APBA1: variants seen among roughly 807,000 people sequenced by gnomAD.
The protein encoded by APBA1 is amyloid-beta A4 precursor protein-binding family A member 1.
APBA1 carries 55 observed loss-of-function variants against 86.6 expected under a neutral mutation model. The observed-to-expected ratio is 0.64, with a 90% CI of 0.51 to 0.80. APBA1 has a LOEUF of 0.80. APBA1 is among the 30% of genes least tolerant of loss of function. The probability of loss-of-function intolerance (pLI) is 0.00; values close to 1 mark genes in which losing one functional copy is unlikely to be tolerated. For missense variants in APBA1, 1,090 were observed against 1,183.0 expected, an observed-to-expected ratio of 0.92 and a Z score of 1.15; for synonymous variants, 511 against 493.9, an observed-to-expected ratio of 1.03 and a Z score of -0.46.
intron 1 of APBA1, among the ~76,000 whole-genome samples, chr9:69,589,697 T>C (rs937065844): frequency 2.0e-5 from 3 of 152,164 alleles, no homozygotes; most frequent in Admixed American, 6.5e-5. Flanking sequence ...TTCAGTTAGC[T>C]TTCAAAACAA....
intron 6 of APBA1, among the ~76,000 whole-genome samples, chr9:69,457,850 T>A (rs2781534): frequency 6.6e-6 from 1 of 152,144 alleles, no homozygotes; most frequent in African/African-American, 2.4e-5. Context: ...TCAAACAGAC[T>A]CAAGTCCCTG....
intron 2 of APBA1, among the ~76,000 whole-genome samples, chr9:69,495,328 A>C (rs1034185531): frequency 2.6e-5 from 4 of 152,188 alleles, no homozygotes; most frequent in African/African-American, 9.7e-5. Context: ...GAAGCCTAGG[A>C]TCCACCTACC....
chr9:69,650,567 GCTT>G (rs2134015583), intron 1 of APBA1, among the ~76,000 whole-genome samples: 1 of 152,288 alleles, frequency 6.6e-6, no homozygotes, highest in South Asian at 2.1e-4. Context: ...ATGGTTGTTG[GCTT>G]CTTAACAGAG....
At chr9:69,436,890 CGG>C (rs1834733559) in intron 11 of APBA1, among the ~76,000 whole-genome samples, 1 of 151,730 alleles carries the variant, frequency 6.6e-6, no homozygotes, top group African/African-American at 2.4e-5. Flanking sequence ...TTTGTCCATT[CGG>C]TATGATATTG....
chr9:69,449,546 G>T, intron 10 of APBA1, 38 bp downstream of exon 10: 1 of 1,572,218 alleles, frequency 6.4e-7, no homozygotes, highest in Non-Finnish European at 8.7e-7. Context: ...ATCACTTGAG[G>T]TTTACCACAT....
intron 1 of APBA1, among the ~76,000 whole-genome samples, chr9:69,600,786 G>T (rs1009190800): frequency 3.6e-4 from 53 of 147,016 alleles, no homozygotes; most frequent in African/African-American, 1.3e-3. Context: ...CAACAGAGAA[G>T]ACTTCGTCTC....
intron 5 of APBA1, chr9:69,464,407 A>G (rs1588299787): frequency 6.6e-6 from 1 of 152,266 alleles, no homozygotes; most frequent in Non-Finnish European, 1.5e-5. Context: ...TTACCACTCT[A>G]TAATGAATTC....
At chr9:69,443,125 A>G (rs1834852666) in intron 10 of APBA1, among the ~76,000 whole-genome samples, 1 of 152,068 alleles carries the variant, frequency 6.6e-6, no homozygotes. Flanking sequence ...TGGCTCTTAA[A>G]CCCCACACAG....
intron 1 of APBA1, among the ~76,000 whole-genome samples, chr9:69,642,786 T>G (rs1823314324): frequency 6.6e-6 from 1 of 151,774 alleles, no homozygotes; most frequent in African/African-American, 2.4e-5. Flanking sequence ...ATACAATCAG[T>G]TGAAGGCATT....
At chr9:69,527,324 G>T (rs75687016) in intron 1 of APBA1, among the ~76,000 whole-genome samples, 14,310 of 152,118 alleles carry the variant, frequency 0.094, 731 homozygotes, top group Non-Finnish European at 0.12. Context: ...AGGCTATGTA[G>T]GGTTGGAAAA....
chr9:69,489,978 T>C (rs975113297), intron 2 of APBA1, among the ~76,000 whole-genome samples: 1 of 152,122 alleles, frequency 6.6e-6, no homozygotes, highest in African/African-American at 2.4e-5. Flanking sequence ...TTACTGGGTA[T>C]ATACCCAAAG....
At chr9:69,499,537 C>G (rs1238409328) in intron 2 of APBA1, among the ~76,000 whole-genome samples, 1 of 152,012 alleles carries the variant, frequency 6.6e-6, no homozygotes, top group Non-Finnish European at 1.5e-5. Context: ...GGCAGCAAGA[C>G]AGTTCTTTTC....
intron 1 of APBA1, among the ~76,000 whole-genome samples, chr9:69,577,968 C>CCAAGG (rs1821835701): frequency 6.6e-6 from 1 of 152,084 alleles, no homozygotes; most frequent in Admixed American, 6.6e-5. Flanking sequence ...GCCTATCATC[C>CCAAGG]CAAGGGACCC....
At chr9:69,575,422 A>T (rs1821773935) in intron 1 of APBA1, among the ~76,000 whole-genome samples, 1 of 152,158 alleles carries the variant, frequency 6.6e-6, no homozygotes, top group Admixed American at 6.5e-5. Flanking sequence ...CAACAGAACA[A>T]AGCTGGAGGC....
intron 1 of APBA1, among the ~76,000 whole-genome samples, chr9:69,574,057 G>A (rs961643873): frequency 6.6e-6 from 1 of 152,172 alleles, no homozygotes; most frequent in African/African-American, 2.4e-5. Context: ...GTTTGTATAT[G>A]TGTGTGTACT....
chr9:69,637,947 T>C (rs1241155532), intron 1 of APBA1, among the ~76,000 whole-genome samples: 3 of 152,216 alleles, frequency 2.0e-5, no homozygotes, highest in African/African-American at 7.2e-5. Flanking sequence ...ATGAATTATG[T>C]GCTACAACAG....
chr9:69,554,974 TAA>T (rs1378638062), intron 1 of APBA1, among the ~76,000 whole-genome samples: 1 of 152,172 alleles, frequency 6.6e-6, no homozygotes, highest in Non-Finnish European at 1.5e-5. Context: ...CAGACTAAGC[TAA>T]GAGAGCTGGA....
At chr9:69,504,744 CGT>C (rs1470321107) in intron 2 of APBA1, among the ~76,000 whole-genome samples, 6 of 151,948 alleles carry the variant, frequency 3.9e-5, no homozygotes, top group African/African-American at 4.8e-5. Context: ...CTTAGTGGGC[CGT>C]GTGTTCCCCA....
In APBA1 at chr9:69,490,824, C is replaced by T. The variant is rs142273435; in HGVS notation, c.1201-14681G>A. Among the ~76,000 whole-genome samples the T allele has an allele frequency of 2.3e-3, 354 of 152,242 alleles. 3 individuals carry two copies. The highest frequency in any genetic ancestry group is 7.6e-3 in the African/African-American group (316 of 41,534). On this transcript the variant is annotated intron_variant, in intron 2 of 12. Transcript: ENST00000265381. ...TGAACAGACACATCTCAAAAGAAGA[C>T]ATTTATGTAGCCAAAAGACACATGA... is the stretch of plus-strand genomic sequence containing the variant.
Sources: allele counts gnomAD v4.1 joint callset (sites outside exome capture counted in the v4.1 genomes callset), GRCh38; gene constraint gnomAD v4.1.1; transcripts MANE v1.5; gene names NCBI Gene and HGNC (gene_info 2026-07-23, HGNC 2026-07-21).